The following GRK5 variants were observed in gnomAD, a reference collection of about 807,000 sequenced individuals.
GRK5 encodes the protein G protein-coupled receptor kinase 5, also known as g protein-coupled receptor kinase GRK5.
In GRK5, 40 loss-of-function variants were observed where a neutral mutation model predicts 78.4. The observed-to-expected ratio is 0.51, with a 90% CI of 0.40 to 0.66. GRK5 has a LOEUF of 0.66. GRK5 is among the 30% of genes least tolerant of loss of function. The probability of loss-of-function intolerance (pLI) is 0.00; values close to 1 mark genes in which losing one functional copy is unlikely to be tolerated. For missense variants in GRK5, 598 were observed against 759.9 expected (o/e 0.79, Z 2.50); for synonymous variants, 289 against 296.8 (o/e 0.97, Z 0.27).
At chr10:119,406,485 C>A in intron 4 of GRK5, 1 of 985,074 alleles carries the variant, frequency 1.0e-6, no homozygotes, top group East Asian at 1.1e-4. Context: ...TTCCAAGTAC[C>A]TGTCCCATTC....
chr10:119,237,051 A>G (rs1273634489), intron 1 of GRK5, among the ~76,000 whole-genome samples: 1 of 114,278 alleles, frequency 8.8e-6, no homozygotes, highest in Non-Finnish European at 1.8e-5. Context: ...TCTGTAGTGT[A>G]TTTGCCTTAC....
chr10:119,387,387 G>A (rs11813472), intron 3 of GRK5, among the ~76,000 whole-genome samples: 7,211 of 152,174 alleles, frequency 0.047, 257 homozygotes, highest in African/African-American at 0.099. Flanking sequence ...GTGATTTTCT[G>A]GGCAGCAGAA....
At chr10:119,380,948 G>A in intron 3 of GRK5, 21 bp downstream of exon 3, 1 of 1,440,820 alleles carries the variant, frequency 6.9e-7, no homozygotes, top group Non-Finnish European at 9.8e-7. Context: ...GCTCCTGAGG[G>A]ATGGTCCTGT....
chr10:119,234,715 CAG>C (rs1391330634), intron 1 of GRK5, among the ~76,000 whole-genome samples: 1 of 149,962 alleles, frequency 6.7e-6, no homozygotes, highest in Non-Finnish European at 1.5e-5. Flanking sequence ...TTTTTTGAGA[CAG>C]AGTCTTGCTC....
Position 119,406,384 on chromosome 10 carries a change from C to T in GRK5, c.339+9612C>T, listed in dbSNP as rs1256914025. The T allele has an allele frequency of 4.7e-6, 4 of 852,434 alleles. No homozygotes were observed. The Admixed American group carries it at 1.9e-4, about 40-fold the overall frequency. 52.8% of individuals were successfully genotyped at this position (852,434 alleles called of 1,614,324 possible). ...CTTCCTGGGGTCCATGGCCCTGGTC[C>T]TGCTTAGAGTCTGCCTGATCATCCA... is the stretch of plus-strand genomic sequence containing the variant. On this transcript the variant is annotated intron_variant, in intron 4 of 15. Coordinates refer to ENST00000392870, the MANE Select transcript of GRK5 (RefSeq NM_005308.3).
intron 2 of GRK5, among the ~76,000 whole-genome samples, chr10:119,328,491 C>T (rs1346921050): frequency 2.6e-5 from 4 of 152,202 alleles, no homozygotes; most frequent in African/African-American, 7.2e-5. Flanking sequence ...CCAGCAAGTA[C>T]CCCCTTTCTG....
intron 2 of GRK5, 50 bp downstream of exon 2, chr10:119,326,661 C>T (rs978966474): frequency 1.3e-5 from 18 of 1,437,390 alleles, no homozygotes; most frequent in East Asian, 6.8e-5. Context: ...GCAGGTGATC[C>T]GCCAAGCCGT....
At chr10:119,308,866 TTGG>T (rs1850315162) in intron 1 of GRK5, among the ~76,000 whole-genome samples, 1 of 18,892 alleles carries the variant, frequency 5.3e-5, no homozygotes, top group South Asian at 2.8e-3. Context: ...CTGTATGGAT[TTGG>T]GGGAATGCTG....
rs116319371 is a variant in GRK5 at position 119,325,824 on chromosome 10, C to T, written c.53-692C>T. On this transcript the variant is annotated intron_variant, in intron 1 of 15. Coordinates refer to ENST00000392870, the MANE Select transcript of GRK5 (RefSeq NM_005308.3). ...GCCTCATGTGGTTCTGCACGTTACA[C>T]GTGACTGTTCATTACATGTGTTCAT... 2.6e-3 allele frequency among the ~76,000 whole-genome samples: 396 copies of T among 152,358 alleles called. 4 individuals carry two copies. The highest frequency in any genetic ancestry group is 8.9e-3 in the African/African-American group (369 of 41,584).
At chr10:119,393,290 C>G (rs763357990) in intron 3 of GRK5, among the ~76,000 whole-genome samples, 6 of 152,260 alleles carry the variant, frequency 3.9e-5, no homozygotes, top group Non-Finnish European at 7.3e-5. Context: ...CCCGCGTGCT[C>G]CCTCTGCCGC....
chr10:119,389,801 AACACACACACACACAC>A (rs66652162), intron 3 of GRK5, among the ~76,000 whole-genome samples: 5 of 149,728 alleles, frequency 3.3e-5, no homozygotes, highest in South Asian at 2.1e-4. Flanking sequence ...GATCATGAGC[AACACACACACACACAC>A]ACACACACAC....
chr10:119,241,846 G>A (rs926722881), intron 1 of GRK5, among the ~76,000 whole-genome samples: 4 of 152,138 alleles, frequency 2.6e-5, no homozygotes, highest in African/African-American at 9.7e-5. Flanking sequence ...GGATTCTTAG[G>A]CACTGGAGTT....
At chr10:119,415,081 C>CAAAAAAAAAAAAAAA (rs762165768) in intron 4 of GRK5, among the ~76,000 whole-genome samples, 7 of 75,720 alleles carry the variant, frequency 9.2e-5, no homozygotes, top group South Asian at 4.7e-4. Context: ...GACTCTGTCT[C>CAAAAAAAAAAAAAAA]AAAAAAAAAA....
intron 2 of GRK5, among the ~76,000 whole-genome samples, chr10:119,363,020 C>T (rs1379282795): frequency 2.0e-5 from 3 of 152,220 alleles, no homozygotes; most frequent in African/African-American, 7.2e-5. Flanking sequence ...TGGCTCATGC[C>T]TGTAATCCCA....
chr10:119,275,855 A>G (rs7909238), intron 1 of GRK5, among the ~76,000 whole-genome samples: 151,510 of 152,292 alleles, frequency 0.99, 75,372 homozygotes, highest in East Asian at 1. Context: ...TCCGAATTCA[A>G]CATCAGTGAG....
At chr10:119,371,697 G>A (rs962293078) in intron 2 of GRK5, among the ~76,000 whole-genome samples, 4 of 152,236 alleles carry the variant, frequency 2.6e-5, no homozygotes, top group Non-Finnish European at 5.9e-5. Flanking sequence ...GCCTGCTTTG[G>A]TGCTAATGGA....
rs1274970941 is a variant in GRK5 at position 119,445,218 on chromosome 10, T to C, written c.1266+1466T>C. On this transcript the variant is annotated intron_variant, in intron 12 of 15. Coordinates refer to ENST00000392870, the MANE Select transcript of GRK5 (RefSeq NM_005308.3). The surrounding 1 kb of genome is among the most constrained non-coding windows in gnomAD (Gnocchi z 4.1). ...GGTCGGGTAAATGGAAATGTGGGTG[T>C]GAGCCATACTTGGCTGTCTCATTGG... is the stretch of plus-strand genomic sequence containing the variant. Among the ~76,000 whole-genome samples, 1 of 152,162 alleles carries C rather than the reference T, an allele frequency of 6.6e-6. No homozygotes were observed. Among genetic ancestry groups the C allele is most frequent in the African/African-American group, 2.4e-5 (1 of 41,426 alleles).
At chr10:119,321,300 G>A (rs913403341) in intron 1 of GRK5, among the ~76,000 whole-genome samples, 1 of 152,228 alleles carries the variant, frequency 6.6e-6, no homozygotes, top group Non-Finnish European at 1.5e-5. Flanking sequence ...TGTTGCTGCT[G>A]TAACAGATTG....
intron 2 of GRK5, among the ~76,000 whole-genome samples, chr10:119,364,571 C>A (rs923127604): frequency 1.3e-5 from 2 of 152,086 alleles, no homozygotes; most frequent in African/African-American, 4.8e-5. Flanking sequence ...GTCTCTGCCT[C>A]CCTCCTGCTG....
Sources: allele counts gnomAD v4.1 joint callset (sites outside exome capture counted in the v4.1 genomes callset), GRCh38; gene constraint gnomAD v4.1.1; non-coding constraint Gnocchi (gnomAD v3.1); transcripts MANE v1.5; gene names NCBI Gene and HGNC (gene_info 2026-07-23, HGNC 2026-07-21).